The following ZNF618 variants were observed in gnomAD, a reference collection of about 807,000 sequenced individuals.
ZNF618 encodes the protein neural precursor cell expressed, developmentally down-regulated 10.
Under a neutral mutation model 103.0 loss-of-function variants are expected in ZNF618, and 34 were observed. The observed-to-expected ratio is 0.33, with a 90% CI of 0.25 to 0.44. ZNF618 has a LOEUF of 0.44. Among genes scored for constraint, ZNF618 ranks in the 20% least tolerant of loss-of-function variants. The pLI, the probability that ZNF618 is intolerant of heterozygous loss-of-function variation, is 1.00. For missense variants in ZNF618, 1,059 were observed against 1,295.4 expected, an observed-to-expected ratio of 0.82 and a Z score of 2.80; for synonymous variants, 551 against 542.2, an observed-to-expected ratio of 1.02 and a Z score of -0.23.
chr9:113,918,767 G>T (rs1311737404), intron 1 of ZNF618, among the ~76,000 whole-genome samples: 2 of 151,946 alleles, frequency 1.3e-5, no homozygotes, highest in Non-Finnish European at 2.9e-5. Flanking sequence ...CTTACTTTCT[G>T]AGTCTTCAGG....
chr9:113,986,896 G>T (rs1270646037), intron 2 of ZNF618, among the ~76,000 whole-genome samples: 1 of 152,170 alleles, frequency 6.6e-6, no homozygotes, highest in African/African-American at 2.4e-5. Flanking sequence ...GTGATAAACA[G>T]GGCTGTTGAA....
intron 1 of ZNF618, among the ~76,000 whole-genome samples, chr9:113,959,671 G>C (rs1836657675): frequency 6.6e-6 from 1 of 152,122 alleles, no homozygotes; most frequent in Non-Finnish European, 1.5e-5. Context: ...GCAGTGACAC[G>C]ATCTCAGCTC....
At chr9:113,964,036 G>A (rs752568114) in intron 1 of ZNF618, among the ~76,000 whole-genome samples, 3 of 152,154 alleles carry the variant, frequency 2.0e-5, no homozygotes, top group Admixed American at 6.5e-5. Flanking sequence ...TTTGAGTTGC[G>A]GTGGGGGAGG....
chr9:114,006,616 G>A (rs1358479376), intron 6 of ZNF618, among the ~76,000 whole-genome samples: 1 of 152,192 alleles, frequency 6.6e-6, no homozygotes, highest in African/African-American at 2.4e-5. Context: ...CTTAATGACT[G>A]GAAGCAACAA....
intron 1 of ZNF618, among the ~76,000 whole-genome samples, chr9:113,920,551 G>A (rs1308508489): frequency 4.6e-5 from 7 of 151,914 alleles, no homozygotes; most frequent in African/African-American, 1.7e-4. Context: ...ACAGGCGCCC[G>A]CCACCATGCC....
chr9:113,966,749 T>C (rs977235957), intron 1 of ZNF618, among the ~76,000 whole-genome samples: 2 of 152,220 alleles, frequency 1.3e-5, no homozygotes, highest in African/African-American at 2.4e-5. Context: ...GAAGCAACTC[T>C]CATCTGCCAC....
At chr9:113,951,569 G>GTGTATA (rs1564208214) in intron 1 of ZNF618, among the ~76,000 whole-genome samples, 2 of 24,150 alleles carry the variant, frequency 8.3e-5, no homozygotes, top group Non-Finnish European at 2.1e-4. Context: ...GTATATGTGT[G>GTGTATA]TGTGTATATG....
At chr9:114,042,074 C>T (rs1388242174) in intron 13 of ZNF618, among the ~76,000 whole-genome samples, 1 of 152,102 alleles carries the variant, frequency 6.6e-6, no homozygotes, top group East Asian at 1.9e-4. Flanking sequence ...CCTAGAAATA[C>T]CAAGGCTATT....
chr9:114,004,222 G>A (rs1841522152), intron 6 of ZNF618, among the ~76,000 whole-genome samples: 1 of 152,208 alleles, frequency 6.6e-6, no homozygotes, highest in Non-Finnish European at 1.5e-5. Context: ...CCAAAGGAGA[G>A]GCCGGCATGT....
intron 1 of ZNF618, among the ~76,000 whole-genome samples, chr9:113,909,156 A>G (rs1401797561): frequency 6.6e-6 from 1 of 151,874 alleles, no homozygotes; most frequent in Non-Finnish European, 1.5e-5. Flanking sequence ...GAGGTGCCTC[A>G]TTTGGAAAAG....
At chr9:114,028,496 G>A in intron 10 of ZNF618, 1 of 600,786 alleles carries the variant, frequency 1.7e-6, no homozygotes, top group Non-Finnish European at 2.9e-6. Flanking sequence ...GGTTATGGGT[G>A]ACCTACACAG....
intron 1 of ZNF618, among the ~76,000 whole-genome samples, chr9:113,913,868 G>A (rs1313437025): frequency 6.6e-6 from 1 of 152,142 alleles, no homozygotes; most frequent in African/African-American, 2.4e-5. Context: ...CTGAAATGTG[G>A]CTCAGGCTGT....
chr9:113,988,056 G>T (rs1185952923), intron 2 of ZNF618, among the ~76,000 whole-genome samples: 3 of 152,228 alleles, frequency 2.0e-5, no homozygotes, highest in Non-Finnish European at 2.9e-5. Context: ...TAGACCTCTT[G>T]AGACCTCAGC....
intron 13 of ZNF618, among the ~76,000 whole-genome samples, chr9:114,039,825 C>T (rs370230948): frequency 6.6e-6 from 1 of 152,188 alleles, no homozygotes; most frequent in Non-Finnish European, 1.5e-5. Flanking sequence ...CAGCAGATGC[C>T]TCTTTTTCCA....
At position 113,974,594 on chromosome 9, in the gene ZNF618, AT is replaced by A. The variant is rs908999501; in HGVS notation, c.77+5444del. On this transcript the variant is annotated intron_variant, in intron 2 of 14. Transcript: ENST00000374126. The stretch of plus-strand genomic sequence containing the variant: ...CTTAGAGCTGAGTTTCTTAAGGGCT[AT>A]TTTTTTTTTCAGGCCTGAGGACTTC... Among the ~76,000 whole-genome samples the A allele has an allele frequency of 1.0e-3, 152 of 150,728 alleles. 1 individual carries two copies. The highest frequency in any genetic ancestry group is 3.2e-3 in the African/African-American group (130 of 40,980).
chr9:114,040,331 T>C (rs1371478257), intron 13 of ZNF618, among the ~76,000 whole-genome samples: 1 of 142,700 alleles, frequency 7.0e-6, no homozygotes, highest in Non-Finnish European at 1.6e-5. Flanking sequence ...GCTACTTGTT[T>C]TCTTTCTTTT....
chr9:113,904,024 T>TC (rs1020597034), intron 1 of ZNF618, among the ~76,000 whole-genome samples: 21 of 150,962 alleles, frequency 1.4e-4, no homozygotes, highest in African/African-American at 3.9e-4. Flanking sequence ...TTTTTTTTTT[T>TC]CCAAGGATTC....
chr9:114,015,190 G>A lies in ZNF618; in HGVS notation c.755-1505G>A, dbSNP rs749577173. 3.3e-4 allele frequency among the ~76,000 whole-genome samples: 50 copies of A among 151,764 alleles called. 1 individual carries two copies. Among genetic ancestry groups the A allele is most frequent in the Non-Finnish European group, 7.1e-4 (48 of 67,940 alleles). ...AACTACTAAAAATTCTATAGCAGGA[G>A]AGAAAAACCATAAACAGACTAATAA... On this transcript the variant is annotated intron_variant, in intron 9 of 14. Transcript: ENST00000374126.
At chr9:114,048,542 A>G (rs1486705459) in intron 14 of ZNF618, 109 bp from the exon 15 acceptor site, 2 of 1,187,746 alleles carry the variant, frequency 1.7e-6, no homozygotes, top group African/African-American at 3.1e-5. Flanking sequence ...TGCAAGAGGA[A>G]ATATATTTGC....
Sources: gnomAD v4.1 joint callset for allele counts (sites outside exome capture counted in the v4.1 genomes callset) on GRCh38, gnomAD v4.1.1 for gene constraint, MANE v1.5 for transcripts, NCBI Gene and HGNC (gene_info 2026-07-23, HGNC 2026-07-21) for gene names.